SHANK2: variants seen among roughly 807,000 people sequenced by gnomAD.
SHANK2 encodes the protein SH3 and multiple ankyrin repeat domains protein 2.
Under a neutral mutation model 133.7 loss-of-function variants are expected in SHANK2, and 43 were observed. The observed-to-expected ratio is 0.32, with a 90% CI of 0.25 to 0.41. SHANK2 has a LOEUF of 0.41. Among genes scored for constraint, SHANK2 ranks in the 10% least tolerant of loss-of-function variants. The probability of loss-of-function intolerance (pLI) is 1.00; values close to 1 mark genes in which losing one functional copy is unlikely to be tolerated. For synonymous variants in SHANK2, 1,017 were observed against 952.8 expected (o/e 1.07, Z -1.24); for missense variants, 1,994 against 2,235.8 (o/e 0.89, Z 2.18).
intron 17 of SHANK2, among the ~76,000 whole-genome samples, chr11:70,613,697 G>T (rs935003126): frequency 6.6e-5 from 10 of 151,660 alleles, no homozygotes; most frequent in Admixed American, 2.6e-4. Context: ...ATTAATGTGA[G>T]GTCATAGGGG....
intron 25 of SHANK2, chr11:70,474,768 G>A (rs914063750): frequency 2.6e-5 from 4 of 152,202 alleles, no homozygotes; most frequent in African/African-American, 4.8e-5. Context: ...ATCCTACCAC[G>A]GCTCTCTCTT....
chr11:71,147,136 T>C lies in SHANK2; in HGVS notation c.191A>G (p.His64Arg), dbSNP rs200995537. ...GGGGCTCACCGTCTGCTGCAGGTCA[T>C]GGATGACCACGCGGATCACCAGCGT... ...GNTLVIRVVI[H>R]DLQQTKCIRF... The change falls in exon 3 of 26, where the codon CAT becomes CGT. Residue 64 changes from histidine (H) to arginine (R), a missense_variant. By Grantham distance (29) the His-to-Arg change is conservative (BLOSUM62 0). Around this residue, in one of 5 missense-constraint regions of SHANK2, gnomAD observed 653 missense variants for 563.4 expected, o/e 1.16. Transcript: ENST00000601538. 254 of 1,548,894 alleles carry C rather than the reference T, an allele frequency of 1.6e-4. No individual in the cohort carries two copies. Among genetic ancestry groups the C allele is most frequent in the Non-Finnish European group, 2.1e-4 (242 of 1,146,756 alleles).
intron 14 of SHANK2, among the ~76,000 whole-genome samples, chr11:70,759,039 G>C (rs1424292999): frequency 6.6e-6 from 1 of 151,178 alleles, no homozygotes; most frequent in Non-Finnish European, 1.5e-5. Flanking sequence ...TGTGCCTGTA[G>C]TCCCAGCTAC....
At chr11:71,185,242 T>C (rs193003524) in intron 2 of SHANK2, among the ~76,000 whole-genome samples, 1 of 152,298 alleles carries the variant, frequency 6.6e-6, no homozygotes, top group East Asian at 1.9e-4. Flanking sequence ...CCATCTACAC[T>C]CAATGATGGT....
chr11:71,112,724 C>T (rs910963491), intron 5 of SHANK2, among the ~76,000 whole-genome samples: 2 of 152,144 alleles, frequency 1.3e-5, no homozygotes, highest in African/African-American at 2.4e-5. Flanking sequence ...CCTCAGCCCC[C>T]TCTCCACGCC....
At chr11:70,891,500 T>A (rs1949845588) in intron 11 of SHANK2, among the ~76,000 whole-genome samples, 1 of 152,000 alleles carries the variant, frequency 6.6e-6, no homozygotes, top group South Asian at 2.1e-4. Flanking sequence ...AGACTCTGTC[T>A]TAAAAAACAA....
intron 15 of SHANK2, among the ~76,000 whole-genome samples, chr11:70,677,492 C>T (rs1944924208): frequency 6.6e-6 from 1 of 152,208 alleles, no homozygotes; most frequent in African/African-American, 2.4e-5. Flanking sequence ...ACCACTGATG[C>T]CCTGTCTTTG....
rs1466434605 is a variant in SHANK2 at position 70,486,412 on chromosome 11, T to C, written c.3881A>G (p.Asp1294Gly). The change falls in exon 25 of 26, where the codon GAC becomes GGC. Residue 1294 changes from aspartate (D) to glycine (G), a missense_variant. This residue lies in a region of SHANK2 where 797 missense variants were observed against 907.4 expected (regional missense o/e 0.88). Transcript: ENST00000601538. The surrounding 1 kb of genome is among the most constrained non-coding windows in gnomAD (Gnocchi z 8.0). ...TDLGRDRKGDDKKNMLIDIMD... is the reference protein window; with the variant it reads ...TDLGRDRKGDGKKNMLIDIMD... Reference sequence around the variant, plus strand: ...GATGTCGATCAGCATGTTCTTCTTGTCATCGCCTTTCCGGTCTCGGCCCAG... The same window carrying C: ...GATGTCGATCAGCATGTTCTTCTTGCCATCGCCTTTCCGGTCTCGGCCCAG... 8 of 1,614,032 alleles carry C rather than the reference T, an allele frequency of 5.0e-6. No individual in the cohort carries two copies. The highest frequency in any genetic ancestry group is 6.8e-6 in the Non-Finnish European group (8 of 1,180,014).
intron 10 of SHANK2, among the ~76,000 whole-genome samples, chr11:70,918,580 A>G (rs1468115933): frequency 6.6e-6 from 1 of 152,132 alleles, no homozygotes; most frequent in Non-Finnish European, 1.5e-5. Flanking sequence ...ATCTCGGCTC[A>G]CTGCAACCTC....
At chr11:70,520,342 T>A (rs1554970806) in intron 17 of SHANK2, among the ~76,000 whole-genome samples, 1 of 152,228 alleles carries the variant, frequency 6.6e-6, no homozygotes, top group East Asian at 1.9e-4. Flanking sequence ...CTCTGCCTGC[T>A]GGGATGGTTT....
chr11:70,928,782 C>T (rs558119822), intron 10 of SHANK2, among the ~76,000 whole-genome samples: 38 of 152,240 alleles, frequency 2.5e-4, no homozygotes, highest in Non-Finnish European at 4.6e-4. Flanking sequence ...AGCCCACCTA[C>T]GACCGTGAAC....
intron 17 of SHANK2, among the ~76,000 whole-genome samples, chr11:70,549,020 C>T (rs972593628): frequency 2.0e-5 from 3 of 152,110 alleles, no homozygotes; most frequent in South Asian, 2.1e-4. Context: ...GCTGACATCC[C>T]GACTTCAGAC....
In SHANK2 at chr11:70,922,348, C is replaced by T. The variant is rs191876010; in HGVS notation, c.1108-25781G>A. ...AGAGATGAAAAATAGAGCAGAAGTA[C>T]TACATACATTAAGCCTAAACTGACA... On this transcript the variant is annotated intron_variant, in intron 10 of 25. Coordinates refer to ENST00000601538, the MANE Select transcript of SHANK2 (RefSeq NM_012309.5). Among the ~76,000 whole-genome samples the T allele has an allele frequency of 6.1e-4, 93 of 152,192 alleles. 1 individual carries two copies. The highest frequency in any genetic ancestry group is 2.1e-3 in the African/African-American group (89 of 41,530).
At chr11:70,902,167 G>C (rs976960699) in intron 10 of SHANK2, among the ~76,000 whole-genome samples, 5 of 152,244 alleles carry the variant, frequency 3.3e-5, no homozygotes, top group Non-Finnish European at 7.3e-5. Flanking sequence ...GGCCACCCGG[G>C]CAGTGTCACT....
At chr11:70,634,774 T>C (rs1163001456) in intron 17 of SHANK2, 1 of 152,136 alleles carries the variant, frequency 6.6e-6, no homozygotes, top group African/African-American at 2.4e-5. Flanking sequence ...GGCAGAAGAA[T>C]TGCTGGAACC....
At chr11:70,952,000 C>G (rs183165678) in intron 10 of SHANK2, among the ~76,000 whole-genome samples, 4 of 152,330 alleles carry the variant, frequency 2.6e-5, no homozygotes, top group Non-Finnish European at 5.9e-5. Flanking sequence ...GCCCTAGTTC[C>G]AAACAATATC....
intron 15 of SHANK2, among the ~76,000 whole-genome samples, chr11:70,681,946 C>T (rs551575304): frequency 1.2e-4 from 19 of 152,206 alleles, no homozygotes; most frequent in Non-Finnish European, 2.2e-4. Flanking sequence ...TGGGCATGCT[C>T]GGGGTGAAAT....
intron 2 of SHANK2, among the ~76,000 whole-genome samples, chr11:71,194,684 A>G (rs1005561115): frequency 6.6e-6 from 1 of 152,204 alleles, no homozygotes; most frequent in Non-Finnish European, 1.5e-5. Flanking sequence ...AAAGACCACA[A>G]AGAAACGCAA....
At chr11:70,835,769 G>C (rs1251406169) in intron 11 of SHANK2, among the ~76,000 whole-genome samples, 2 of 152,156 alleles carry the variant, frequency 1.3e-5, no homozygotes, top group African/African-American at 4.8e-5. Context: ...GCAGGGTTCT[G>C]GGACTCAGTT....
Sources: gnomAD v4.1 joint callset for allele counts (sites outside exome capture counted in the v4.1 genomes callset) on GRCh38, gnomAD v4.1.1 for gene constraint, gnomAD v4.1.1 regional missense constraint, Gnocchi (gnomAD v3.1) non-coding constraint, MANE v1.5 for transcripts, NCBI Gene and HGNC (gene_info 2026-07-23, HGNC 2026-07-21) for gene names.